Variants in RAP1A observed in about 807,000 individuals in gnomAD.
RAP1A encodes the protein RAP1A, member of RAS oncogene family, also known as ras-related protein Rap-1A.
RAP1A carries 6 observed loss-of-function variants against 26.4 expected under a neutral mutation model. The ratio of observed to expected loss-of-function variants is 0.23; its 90% CI spans 0.12 to 0.45. The LOEUF is 0.45. Among genes scored for constraint, RAP1A ranks in the 20% least tolerant of loss-of-function variants. RAP1A has a pLI of 0.99. For synonymous variants in RAP1A, 73 were observed against 79.4 expected, an observed-to-expected ratio of 0.92 and a Z score of 0.43; for missense variants, 121 against 217.2, an observed-to-expected ratio of 0.56 and a Z score of 2.78.
chr1:111,688,822 G>GTTTTTTTTTTTTTTTTTTTTTTTTGT (rs767753356), intron 1 of RAP1A, among the ~76,000 whole-genome samples: 1 of 90,062 alleles, frequency 1.1e-5, no homozygotes, highest in Non-Finnish European at 2.3e-5. Context: ...TTTTTTTTTT[G>GTTTTTTTTTTTTTTTTTTTTTTTTGT]TTTTTTTTTT....
At chr1:111,601,810 T>C (rs1027506668) in intron 1 of RAP1A, among the ~76,000 whole-genome samples, 1 of 152,076 alleles carries the variant, frequency 6.6e-6, no homozygotes, top group Non-Finnish European at 1.5e-5. Flanking sequence ...CGCTGGAGGG[T>C]TAAATGACAC....
At chr1:111,692,772 T>A (rs1164064946) in intron 2 of RAP1A, among the ~76,000 whole-genome samples, 1 of 152,200 alleles carries the variant, frequency 6.6e-6, no homozygotes, top group East Asian at 1.9e-4. Flanking sequence ...TTGTGTTTTA[T>A]ATTTAAAAAA....
chr1:111,693,855 C>G (rs1402516837), intron 2 of RAP1A, among the ~76,000 whole-genome samples: 1 of 151,040 alleles, frequency 6.6e-6, no homozygotes, highest in Non-Finnish European at 1.5e-5. Flanking sequence ...TTGAGACTCT[C>G]TGCTCTAGCC....
intron 1 of RAP1A, among the ~76,000 whole-genome samples, chr1:111,606,295 G>T (rs546543246): frequency 3.9e-5 from 6 of 152,102 alleles, no homozygotes; most frequent in African/African-American, 1.4e-4. Flanking sequence ...CACCTCTATG[G>T]TTCTAAAACT....
At chr1:111,668,282 G>A (rs1264046643) in intron 1 of RAP1A, among the ~76,000 whole-genome samples, 1 of 152,162 alleles carries the variant, frequency 6.6e-6, no homozygotes, top group Non-Finnish European at 1.5e-5. Context: ...AAGAAAAAGA[G>A]ACTGAAAATA....
intron 2 of RAP1A, among the ~76,000 whole-genome samples, chr1:111,692,169 G>A (rs755537251): frequency 4.6e-5 from 7 of 152,090 alleles, no homozygotes; most frequent in Non-Finnish European, 7.4e-5. Flanking sequence ...ATTGATATGG[G>A]GACTAGGAGA....
intron 1 of RAP1A, among the ~76,000 whole-genome samples, chr1:111,600,500 G>T (rs181978233): frequency 6.6e-6 from 1 of 152,236 alleles, no homozygotes; most frequent in Non-Finnish European, 1.5e-5. Flanking sequence ...CAGCAAGGCT[G>T]TTTGTCTTCT....
intron 1 of RAP1A, among the ~76,000 whole-genome samples, chr1:111,605,999 G>A (rs1309064272): frequency 6.6e-6 from 1 of 152,158 alleles, no homozygotes; most frequent in Non-Finnish European, 1.5e-5. Flanking sequence ...TCGTCACCAG[G>A]GGCAAGCTGA....
chr1:111,619,913 G>A lies in RAP1A; in HGVS notation c.-49G>A, dbSNP rs924224258. ...GGAGGTGGAGGAGGTGGAGGAGGTG[G>A]AGGAGGCGCCGGACCGGGGGGGTGA... On this transcript the variant is annotated 5_prime_UTR_variant, in exon 1 of 8. Transcript: ENST00000369709. 2.5e-6 allele frequency: 1 copy of A among 396,872 alleles called. No individual in the cohort carries two copies. Among genetic ancestry groups the A allele is most frequent in the African/African-American group, 2.1e-5 (1 of 48,508 alleles). The allele number at this position is 396,872 out of a possible 1,614,324, so 24.6% of individuals were successfully genotyped here.
intron 2 of RAP1A, among the ~76,000 whole-genome samples, chr1:111,692,563 C>A (rs1661702213): frequency 1.3e-5 from 2 of 152,126 alleles, no homozygotes; most frequent in Non-Finnish European, 2.9e-5. Context: ...CAGGGAACAT[C>A]ACAACATTCT....
At chr1:111,572,897 C>T (rs1484102887) in intron 1 of RAP1A, among the ~76,000 whole-genome samples, 1 of 152,170 alleles carries the variant, frequency 6.6e-6, no homozygotes, top group Non-Finnish European at 1.5e-5. Flanking sequence ...TCTCCCTCTT[C>T]CCACCCTCTA....
At chr1:111,692,969 T>A (rs1661713953) in intron 2 of RAP1A, among the ~76,000 whole-genome samples, 1 of 152,206 alleles carries the variant, frequency 6.6e-6, no homozygotes, top group East Asian at 1.9e-4. Context: ...GTCCATGAAT[T>A]ACCTTTTCAA....
chr1:111,558,631 G>A (rs930893183), intron 1 of RAP1A, among the ~76,000 whole-genome samples: 2 of 151,122 alleles, frequency 1.3e-5, no homozygotes, highest in Admixed American at 6.5e-5. Flanking sequence ...TATAATACAT[G>A]ACTATCAGAC....
In RAP1A at chr1:111,604,084, T is replaced by C. The variant is rs528676763; in HGVS notation, c.-28+61575T>C. Among the ~76,000 whole-genome samples the C allele has an allele frequency of 4.3e-4, 65 of 152,312 alleles. 2 individuals carry two copies. The highest frequency in any genetic ancestry group is 1.8e-3 in the Admixed American group (28 of 15,302). On this transcript the variant is annotated intron_variant, in intron 1 of 7. Transcript: ENST00000356415. ...AGGCTCCAGTGGGCCTTGGTGTCTC[T>C]GATGAGAGGAGCAACGTGAATGCGG...
At chr1:111,698,618 A>T (rs1387454450) in intron 4 of RAP1A, among the ~76,000 whole-genome samples, 2 of 152,146 alleles carry the variant, frequency 1.3e-5, no homozygotes, top group African/African-American at 4.8e-5. Context: ...AAAGTTTTCC[A>T]CTATAATTTT....
At chr1:111,662,181 G>T (rs1660659654) in intron 1 of RAP1A, among the ~76,000 whole-genome samples, 1 of 151,988 alleles carries the variant, frequency 6.6e-6, no homozygotes, top group Non-Finnish European at 1.5e-5. Context: ...AGATCATGAG[G>T]TCAGGAGATT....
At chr1:111,621,205 G>T (rs372645700) in intron 1 of RAP1A, among the ~76,000 whole-genome samples, 1 of 152,194 alleles carries the variant, frequency 6.6e-6, no homozygotes. Context: ...ATGAAGGGCC[G>T]TCTCAGAAGA....
chr1:111,684,829 G>T (rs944312876), intron 1 of RAP1A, among the ~76,000 whole-genome samples: 1 of 152,024 alleles, frequency 6.6e-6, no homozygotes, highest in Non-Finnish European at 1.5e-5. Context: ...AGCCAAGATG[G>T]TGCTAAGCAA....
intron 1 of RAP1A, among the ~76,000 whole-genome samples, chr1:111,642,173 A>T (rs1659911562): frequency 6.6e-6 from 1 of 152,130 alleles, no homozygotes; most frequent in Admixed American, 6.5e-5. Context: ...TGAACCCGGG[A>T]GGCGGAGGTT....
Sources: allele counts gnomAD v4.1 joint callset (sites outside exome capture counted in the v4.1 genomes callset), GRCh38; gene constraint gnomAD v4.1.1; transcripts MANE v1.5; gene names NCBI Gene and HGNC (gene_info 2026-07-23, HGNC 2026-07-21).